Variants in RANBP2 observed in about 807,000 individuals in gnomAD.
The protein encoded by RANBP2 is E3 SUMO-protein ligase RanBP2.
Under a neutral mutation model 303.6 loss-of-function variants are expected in RANBP2, and 57 were observed. The observed-to-expected ratio is 0.19, with a 90% CI of 0.15 to 0.23. The LOEUF is 0.23. Among genes scored for constraint, RANBP2 ranks in the 10% least tolerant of loss-of-function variants. The pLI, the probability that RANBP2 is intolerant of heterozygous loss-of-function variation, is 1.00. For missense variants in RANBP2, 3,138 were observed against 3,780.8 expected (o/e 0.83, Z 4.46); for synonymous variants, 1,167 against 1,301.5 (o/e 0.90, Z 2.23).
the RANBP2 span, among the ~76,000 whole-genome samples, chr2:109,669,138 G>A: frequency 1.5e-4 from 23 of 151,838 alleles, no homozygotes; most frequent in African/African-American, 5.1e-4. Context: ...ACAAGAAGGA[G>A]ACTAGACTCC....
chr2:109,720,780 T>G, the RANBP2 span, among the ~76,000 whole-genome samples: 983 of 152,332 alleles, frequency 6.5e-3, 16 homozygotes, highest in African/African-American at 0.022. Flanking sequence ...TGATTTGCTC[T>G]TCTCCCCAGA....
chr2:108,764,004 G>A lies in RANBP2; in HGVS notation c.3465G>A (p.Glu1155=), dbSNP rs1482787575. The part of the protein sequence containing the change: ...PTLETANKNH[E]TDGGSAHGDD... ...TAGAGACAGCAAACAAGAATCATGA[G>A]ACAGATGGAGGAAGTGCCCATGGGG... The change falls in exon 20 of 29, where the codon GAG becomes GAA. Residue 1155 remains glutamate (E), a synonymous_variant. Transcript: ENST00000283195. 1.9e-6 allele frequency: 3 copies of A among 1,613,800 alleles called. No homozygotes were observed. Among genetic ancestry groups the A allele is most frequent in the African/African-American group, 2.7e-5 (2 of 74,918 alleles).
chr2:109,598,215 G>C, the RANBP2 span, among the ~76,000 whole-genome samples: 2 of 151,862 alleles, frequency 1.3e-5, no homozygotes, highest in Admixed American at 1.3e-4. Context: ...TTACAGGCAT[G>C]CACCACCACA....
chr2:108,805,764 CAG>C, the RANBP2 span, among the ~76,000 whole-genome samples: 1 of 151,956 alleles, frequency 6.6e-6, no homozygotes, highest in Non-Finnish European at 1.5e-5. Flanking sequence ...TATATAATAC[CAG>C]AGTTGCATAA....
chr2:109,312,229 G>T, the RANBP2 span, among the ~76,000 whole-genome samples: 1 of 152,090 alleles, frequency 6.6e-6, no homozygotes, highest in African/African-American at 2.4e-5. Flanking sequence ...AACACACAAG[G>T]CCAGAGGGAC....
intron 25 of RANBP2, among the ~76,000 whole-genome samples, chr2:108,779,384 C>T (rs113631375): frequency 1.3e-5 from 2 of 152,142 alleles, no homozygotes; most frequent in African/African-American, 2.4e-5. Flanking sequence ...AGGCTTGTCT[C>T]GAACTCCTGA....
the RANBP2 span, among the ~76,000 whole-genome samples, chr2:109,028,869 G>A: frequency 2.0e-5 from 3 of 152,216 alleles, no homozygotes; most frequent in Non-Finnish European, 1.5e-5. Flanking sequence ...CAGGGACTGT[G>A]AGGGCCAACT....
At chr2:109,236,979 C>G in the RANBP2 span, among the ~76,000 whole-genome samples, 1 of 152,116 alleles carries the variant, frequency 6.6e-6, no homozygotes, top group African/African-American at 2.4e-5. Flanking sequence ...ATATTAAAGA[C>G]CCTGGACACA....
the RANBP2 span, among the ~76,000 whole-genome samples, chr2:109,609,385 C>T: frequency 5.9e-5 from 9 of 151,588 alleles, no homozygotes; most frequent in South Asian, 4.2e-4. Flanking sequence ...TAATTAAGGA[C>T]GAAAAAAATG....
the RANBP2 span, among the ~76,000 whole-genome samples, chr2:109,041,566 A>T: frequency 6.9e-6 from 1 of 145,740 alleles, no homozygotes; most frequent in Non-Finnish European, 1.5e-5. Flanking sequence ...TCTGTCACCC[A>T]GGCTGCAGTG....
the RANBP2 span, among the ~76,000 whole-genome samples, chr2:109,250,601 T>C: frequency 6.6e-6 from 1 of 151,612 alleles, no homozygotes; most frequent in Admixed American, 6.6e-5. Context: ...ATAATAACAG[T>C]AATAATAATA....
chr2:109,643,606 A>C, the RANBP2 span, among the ~76,000 whole-genome samples: 1 of 148,766 alleles, frequency 6.7e-6, no homozygotes, highest in Non-Finnish European at 1.5e-5. Flanking sequence ...CTAAAAATAC[A>C]AAAAAAAAAT....
chr2:109,262,105 G>C, the RANBP2 span, among the ~76,000 whole-genome samples: 1 of 152,182 alleles, frequency 6.6e-6, no homozygotes, highest in African/African-American at 2.4e-5. Context: ...AGGTGCCCTC[G>C]GCCTCAGGGC....
chr2:109,376,629 C>A, the RANBP2 span, among the ~76,000 whole-genome samples: 1 of 152,188 alleles, frequency 6.6e-6, no homozygotes, highest in Non-Finnish European at 1.5e-5. Context: ...AATGGGGAGA[C>A]CCAGATCTCA....
intron 6 of RANBP2, among the ~76,000 whole-genome samples, 169 bp downstream of exon 6, chr2:108,736,418 G>A (rs1313234777): frequency 2.0e-5 from 3 of 152,148 alleles, no homozygotes; most frequent in African/African-American, 4.8e-5. Flanking sequence ...TTCTTTTACG[G>A]GGAAGTTCTA....
At chr2:109,698,215 A>G in the RANBP2 span, among the ~76,000 whole-genome samples, 2 of 151,294 alleles carry the variant, frequency 1.3e-5, no homozygotes, top group Non-Finnish European at 3.0e-5. Context: ...TTTTTTTTGC[A>G]GTGTTTAATC....
At chr2:109,603,858 A>C in the RANBP2 span, among the ~76,000 whole-genome samples, 1 of 151,798 alleles carries the variant, frequency 6.6e-6, no homozygotes, top group South Asian at 2.1e-4. Context: ...ATATGGTGAA[A>C]CCGTCTCTAA....
the RANBP2 span, among the ~76,000 whole-genome samples, chr2:108,983,121 G>A: frequency 6.6e-6 from 1 of 152,162 alleles, no homozygotes; most frequent in African/African-American, 2.4e-5. Flanking sequence ...AGCTGTCAGT[G>A]CCCTCCCTTG....
chr2:109,555,569 T>C, the RANBP2 span, among the ~76,000 whole-genome samples: 1 of 152,200 alleles, frequency 6.6e-6, no homozygotes, highest in Non-Finnish European at 1.5e-5. Context: ...ATGCAGAATG[T>C]TAGCAAACTG....
Sources: allele counts gnomAD v4.1 joint callset (sites outside exome capture counted in the v4.1 genomes callset), GRCh38; gene constraint gnomAD v4.1.1; transcripts MANE v1.5; gene names NCBI Gene and HGNC (gene_info 2026-07-23, HGNC 2026-07-21).